Variants in TTC9 observed in about 807,000 individuals in gnomAD.
TTC9 encodes the protein tetratricopeptide repeat domain 9.
TTC9 carries 13 observed loss-of-function variants against 22.9 expected under a neutral mutation model. That is an observed-to-expected ratio of 0.57 (90% CI 0.37 to 0.90). The LOEUF (loss-of-function observed/expected upper bound fraction) is 0.90, where lower values mean the gene tolerates loss of function less well. Ranked by LOEUF, TTC9 falls within the 40% of genes least tolerant of loss-of-function variation. The probability of loss-of-function intolerance (pLI) is 0.01; values close to 1 mark genes in which losing one functional copy is unlikely to be tolerated. For synonymous variants in TTC9, 148 were observed against 133.2 expected (o/e 1.11, Z -0.77); for missense variants, 280 against 291.8 (o/e 0.96, Z 0.29).
At chr14:70,642,582 C>T (rs774307997) in intron 1 of TTC9, 47 bp downstream of exon 1, 21 of 1,497,020 alleles carry the variant, frequency 1.4e-5, no homozygotes, top group East Asian at 2.5e-5. Flanking sequence ...TTCTTCGGCC[C>T]GGTCCCTCCG....
At chr14:70,656,332 T>C (rs1291350133) in intron 1 of TTC9, among the ~76,000 whole-genome samples, 1 of 152,124 alleles carries the variant, frequency 6.6e-6, no homozygotes, top group Non-Finnish European at 1.5e-5. Context: ...TTGAAAATAT[T>C]TTTCACCGTT....
intron 1 of TTC9, among the ~76,000 whole-genome samples, chr14:70,652,159 T>C (rs745459921): frequency 8.5e-5 from 13 of 152,168 alleles, no homozygotes; most frequent in Non-Finnish European, 1.8e-4. Context: ...TCAAAAGGCT[T>C]CTAGCAACCC....
At chr14:70,649,962 G>A (rs560058495) in intron 1 of TTC9, among the ~76,000 whole-genome samples, 5 of 152,320 alleles carry the variant, frequency 3.3e-5, no homozygotes, top group South Asian at 4.1e-4. Context: ...ACAGTGGGGA[G>A]TGAGAAGCCC....
intron 1 of TTC9, among the ~76,000 whole-genome samples, chr14:70,648,609 A>G (rs1322436745): frequency 6.6e-6 from 1 of 152,242 alleles, no homozygotes; most frequent in Non-Finnish European, 1.5e-5. Flanking sequence ...CAGATTCACT[A>G]TAAGGAAATC....
At chr14:70,649,893 AG>A (rs1244640459) in intron 1 of TTC9, among the ~76,000 whole-genome samples, 1 of 152,174 alleles carries the variant, frequency 6.6e-6, no homozygotes, top group Non-Finnish European at 1.5e-5. Flanking sequence ...TTCTGAAACC[AG>A]GTCATTGTTT....
rs377113626 is a variant in TTC9 at position 70,674,628 on chromosome 14, T to C, written c.*3473T>C. ...TTTCCCTCTAATTTATTTTGCATCC[T>C]AGTGGAGATGCTTACACATTGTCAA... On this transcript the variant is annotated 3_prime_UTR_variant, in exon 3 of 3. Coordinates refer to ENST00000256367, the MANE Select transcript of TTC9 (RefSeq NM_015351.2). 11 of 152,254 alleles carry C rather than the reference T, an allele frequency of 7.2e-5. No individual in the cohort carries two copies. Among genetic ancestry groups the C allele is most frequent in the African/African-American group, 2.4e-4 (10 of 41,470 alleles). The allele number at this position is 152,254 out of a possible 1,614,324, so 9.4% of individuals were successfully genotyped here. A position where few individuals can be genotyped will look rare whatever the true frequency, so the allele number is the denominator to read the frequency against.
In TTC9 at chr14:70,671,067, T is replaced by C; in HGVS notation, c.590-9T>C. 1 of 1,612,928 alleles carries C rather than the reference T, an allele frequency of 6.2e-7. No homozygotes were observed. On this transcript the variant is annotated splice_polypyrimidine_tract_variant and intron_variant, in intron 2 of 2. Coordinates refer to ENST00000256367, the MANE Select transcript of TTC9 (RefSeq NM_015351.2). The stretch of plus-strand genomic sequence containing the variant: ...TGGTGTTCCCTAAGGTTTATTTCTC[T>C]CCTCACAGACACCAACGTGATTCGG...
At chr14:70,658,236 TC>T in intron 1 of TTC9, among the ~76,000 whole-genome samples, 1 of 152,244 alleles carries the variant, frequency 6.6e-6, no homozygotes, top group East Asian at 1.9e-4. Context: ...AATAGCTATT[TC>T]CCGGAGTCTC....
Position 70,642,480 on chromosome 14 carries a change from G to A in TTC9, c.351G>A (p.Glu117=). 1.9e-6 allele frequency: 3 copies of A among 1,548,830 alleles called. No homozygotes were observed. The highest frequency in any genetic ancestry group is 1.2e-5 in the South Asian group (1 of 84,196). Residue 117 remains glutamate (E), a synonymous_variant, in exon 1 of 3, where the codon GAG becomes GAA. Coordinates refer to ENST00000256367, the MANE Select transcript of TTC9 (RefSeq NM_015351.2). ...AGALKPGRLS[E]EQSKTVEAIE... is the part of the protein sequence containing the mutation. ...CCCTGAAGCCCGGCCGCCTCTCGGA[G>A]GAGCAGAGCAAGACGGTGGAAGCCA...
chr14:70,642,502 G>T lies in TTC9; in HGVS notation c.373G>T (p.Ala125Ser). Residue 125 changes from alanine to serine, a missense_variant, in exon 1 of 3, where the codon GCC (alanine) becomes TCC (serine). Transcript: ENST00000256367. ...GGAGGAGCAGAGCAAGACGGTGGAA[G>T]CCATCGAGATCGACTGTTACAACAG... ...LSEEQSKTVE[A>S]IEIDCYNSLA... 6.5e-7 allele frequency: 1 copy of T among 1,545,976 alleles called. No individual in the cohort carries two copies. The highest frequency in any genetic ancestry group is 1.4e-5 in the African/African-American group (1 of 72,232).
chr14:70,658,660 A>G (rs1317110407), intron 1 of TTC9, among the ~76,000 whole-genome samples: 1 of 152,246 alleles, frequency 6.6e-6, no homozygotes, highest in Non-Finnish European at 1.5e-5. Context: ...ACTGAAGCCA[A>G]CATCATAGTT....
Position 70,642,259 on chromosome 14 carries a change from G to T in TTC9, c.130G>T (p.Val44Phe). ...CGGAGGAGCCCCAGCGAGGGGCCAG[G>T]TCGGGGCGGCGGCCGAGCCGGCCGA... ...GGGGAPARGQ[V>F]GAAAEPAELI... Residue 44 changes from valine to phenylalanine, a missense_variant, in exon 1 of 3, where the codon GTC becomes TTC. Transcript: ENST00000256367. The T allele has an allele frequency of 6.7e-7, 1 of 1,491,720 alleles. No homozygotes were observed. Among genetic ancestry groups the T allele is most frequent in the Non-Finnish European group, 8.9e-7 (1 of 1,121,488 alleles). 92.4% of individuals were successfully genotyped at this position (1,491,720 alleles called of 1,614,324 possible). A position where few individuals can be genotyped will look rare whatever the true frequency, so the allele number is the denominator to read the frequency against.
chr14:70,667,245 T>C (rs1330539174), intron 1 of TTC9, among the ~76,000 whole-genome samples: 1 of 152,238 alleles, frequency 6.6e-6, no homozygotes, highest in Non-Finnish European at 1.5e-5. Flanking sequence ...TGATCACCTC[T>C]GTAAAGATCC....
At chr14:70,668,365 A>T (rs1886244313) in intron 2 of TTC9, among the ~76,000 whole-genome samples, 1 of 152,218 alleles carries the variant, frequency 6.6e-6, no homozygotes, top group African/African-American at 2.4e-5. Context: ...CAAAGAGCTT[A>T]TATTATAATG....
At position 70,666,455 on chromosome 14, in the gene TTC9, A is replaced by G. The variant is rs1886217806; in HGVS notation, c.407-1109A>G. ...AACTGCAGAGACAAATATACATGAA[A>G]GGGAACTTGAGGGAAGTCAGAGGCA... is the stretch of plus-strand genomic sequence containing the variant. On this transcript the variant is annotated intron_variant, in intron 1 of 2. Coordinates refer to ENST00000256367, the MANE Select transcript of TTC9 (RefSeq NM_015351.2). Among the ~76,000 whole-genome samples the G allele has an allele frequency of 2.6e-5, 4 of 152,236 alleles. No individual in the cohort carries two copies. In the South Asian group the frequency reaches 8.3e-4, roughly 32 times the overall value.
rs765184388 is a variant in TTC9 at position 70,671,167 on chromosome 14, C to T, written c.*12C>T. The stretch of plus-strand genomic sequence containing the variant: ...AAGAAGCCATGTAACCAGGAAGCAG[C>T]TCCAGAGCTGCGCCCACGCCTGACC... On this transcript the variant is annotated 3_prime_UTR_variant, in exon 3 of 3. Transcript: ENST00000256367. The T allele has an allele frequency of 8.7e-6, 14 of 1,612,618 alleles. No homozygotes were observed. The highest frequency in any genetic ancestry group is 1.7e-5 in the Admixed American group (1 of 59,984).
In TTC9 at chr14:70,642,316, C is replaced by T; in HGVS notation, c.187C>T (p.Gln63Ter). 1 of 1,574,280 alleles carries T rather than the reference C, an allele frequency of 6.4e-7. No individual in the cohort carries two copies. Among genetic ancestry groups the T allele is most frequent in the Non-Finnish European group, 8.6e-7 (1 of 1,161,820 alleles). Residue 63 changes from glutamine to a stop codon, truncating the protein, a stop_gained, in exon 1 of 3, where the codon CAA becomes TAA. Coordinates refer to ENST00000256367, the MANE Select transcript of TTC9 (RefSeq NM_015351.2). LOFTEE classifies it high-confidence loss of function. ...LIRRAHEFKS[Q>*]GAQCYKDKKF... ...CCGACGAGCGCACGAGTTCAAAAGC[C>T]AAGGGGCGCAGTGCTACAAGGACAA...
rs930837059 is a variant in TTC9, at chr14:70,671,672, G to A, written c.*517G>A. The A allele has an allele frequency of 6.6e-6, 1 of 152,494 alleles. No individual in the cohort carries two copies. The highest frequency in any genetic ancestry group is 1.5e-5 in the Non-Finnish European group (1 of 68,386). 9.4% of individuals were successfully genotyped at this position (152,494 alleles called of 1,614,324 possible). ...ATAGAGACTGTCAATGTGTACACTG[G>A]AGTTCCCACCCCCACCCCCCACCCG... is the stretch of plus-strand genomic sequence containing the variant. On this transcript the variant is annotated 3_prime_UTR_variant, in exon 3 of 3. Coordinates refer to ENST00000256367, the MANE Select transcript of TTC9 (RefSeq NM_015351.2).
chr14:70,651,679 T>A (rs1364074386), intron 1 of TTC9, among the ~76,000 whole-genome samples: 1 of 152,160 alleles, frequency 6.6e-6, no homozygotes, highest in Non-Finnish European at 1.5e-5. Context: ...TAGTGACAGT[T>A]TGAATCTTCT....
Sources: allele counts gnomAD v4.1 joint callset (sites outside exome capture counted in the v4.1 genomes callset), GRCh38; gene constraint gnomAD v4.1.1; transcripts MANE v1.5; gene names NCBI Gene and HGNC (gene_info 2026-07-23, HGNC 2026-07-21).